The following KIAA1586 variants were observed in gnomAD, a reference collection of about 807,000 sequenced individuals.
The protein encoded by KIAA1586 is E3 SUMO-protein ligase KIAA1586.
A neutral mutation model predicts 6.1 loss-of-function variants in KIAA1586; 5 were observed. The ratio of observed to expected loss-of-function variants is 0.82; its 90% CI spans 0.43 to 1.73. The LOEUF (loss-of-function observed/expected upper bound fraction) is 1.73. Among genes scored for constraint, KIAA1586 ranks in the 40% most tolerant of loss-of-function variants. The probability of loss-of-function intolerance (pLI) is 0.02; values close to 1 mark genes in which losing one functional copy is unlikely to be tolerated. For synonymous variants in KIAA1586, 280 were observed against 301.7 expected, an observed-to-expected ratio of 0.93 and a Z score of 0.75; for missense variants, 899 against 878.2, an observed-to-expected ratio of 1.02 and a Z score of -0.30.
At chr6:57,063,611 A>C in the KIAA1586 span, among the ~76,000 whole-genome samples, 1 of 151,592 alleles carries the variant, frequency 6.6e-6, no homozygotes, top group South Asian at 2.1e-4. Context: ...ACGCCACCAC[A>C]GTTGTCTAAT....
At chr6:57,062,325 C>CA in the KIAA1586 span, among the ~76,000 whole-genome samples, 1 of 152,206 alleles carries the variant, frequency 6.6e-6, no homozygotes, top group East Asian at 1.9e-4. Flanking sequence ...GGGTAATTGA[C>CA]AGTATCCTCT....
At position 57,054,996 on chromosome 6, in the gene KIAA1586, G is replaced by A. The variant is rs1420709166; in HGVS notation, c.*133G>A. 3 of 1,048,940 alleles carry A rather than the reference G, an allele frequency of 2.9e-6. No homozygotes were observed. The highest frequency in any genetic ancestry group is 4.0e-6 in the Non-Finnish European group (3 of 755,002). The allele number at this position is 1,048,940 out of a possible 1,614,324, so 65.0% of individuals were successfully genotyped here. On this transcript the variant is annotated 3_prime_UTR_variant, in exon 4 of 4. Transcript: ENST00000370733. The stretch of plus-strand genomic sequence containing the variant: ...TTGCTGTTTAAAAGGCGTTCTTTAA[G>A]AAGATAATCTTGAAGATTGGTTTTA...
At chr6:57,049,431 C>A (rs1593047084) in intron 2 of KIAA1586, among the ~76,000 whole-genome samples, 1 of 152,052 alleles carries the variant, frequency 6.6e-6, no homozygotes. Flanking sequence ...GGTTTGGATT[C>A]CTTAGTCTTT....
rs1205489370 is a variant in KIAA1586, at chr6:57,054,767, A to G, written c.2268A>G (p.Ser756=). Reference sequence around the variant, plus strand: ...CAACACCGTTTGTAAAATCTTGGTCAAATTGCAACCACAGGTTGGCTACAG... The same window carrying G: ...CAACACCGTTTGTAAAATCTTGGTCGAATTGCAACCACAGGTTGGCTACAG... ...WDATPFVKSW[S]NCNHRLATDT... Residue 756 remains serine (S), a synonymous_variant, in exon 4 of 4, where the codon TCA becomes TCG. Transcript: ENST00000370733. 2.6e-6 allele frequency: 4 copies of G among 1,551,286 alleles called. No individual in the cohort carries two copies. The highest frequency in any genetic ancestry group is 2.7e-5 in the African/African-American group (2 of 73,026).
At position 57,053,962 on chromosome 6, in the gene KIAA1586, G is replaced by A. The variant is rs1439420534; in HGVS notation, c.1463G>A (p.Ser488Asn). ...ATGGGACCAAGATGGGCGGCATGTAGTTTACAAGCTGCTACTGCTGTATGG... is the reference window on the plus strand; with the variant it reads ...ATGGGACCAAGATGGGCGGCATGTAATTTACAAGCTGCTACTGCTGTATGG... ...RVMGPRWAAC[S>N]LQAATAVWHA... Residue 488 changes from serine (S) to asparagine (N), a missense_variant, in exon 4 of 4, where the codon AGT becomes AAT. Ser to Asn is a conservative substitution (Grantham distance 46). Transcript: ENST00000370733. The A allele has an allele frequency of 1.3e-6, 2 of 1,586,704 alleles. No individual in the cohort carries two copies. Among genetic ancestry groups the A allele is most frequent in the Non-Finnish European group, 1.7e-6 (2 of 1,170,472 alleles).
At chr6:57,055,229 T>G (rs1405952407), downstream of KIAA1586, 1 of 155,304 alleles carries the variant, frequency 6.4e-6, no homozygotes, top group African/African-American at 2.4e-5. Context: ...ACTGTAAGCC[T>G]TTTGGCTCTT....
At chr6:57,059,463 T>C (rs557333989), downstream of KIAA1586, among the ~76,000 whole-genome samples, 4 of 151,770 alleles carry the variant, frequency 2.6e-5, no homozygotes, top group South Asian at 8.3e-4. Context: ...TGGTGGTGGG[T>C]GCCTGTAGTC....
chr6:57,058,077 G>A (rs1394058796), downstream of KIAA1586, among the ~76,000 whole-genome samples: 2 of 151,942 alleles, frequency 1.3e-5, no homozygotes, highest in African/African-American at 4.8e-5. Flanking sequence ...TTACAGGTGT[G>A]AGCCACCGCG....
intron 2 of KIAA1586, among the ~76,000 whole-genome samples, chr6:57,049,928 G>C (rs1828276621): frequency 6.6e-6 from 1 of 152,022 alleles, no homozygotes; most frequent in Admixed American, 6.6e-5. Context: ...GGATAAAGCA[G>C]GGTTATCAAA....
chr6:57,053,178 A>G lies in KIAA1586; in HGVS notation c.679A>G (p.Thr227Ala). The change falls in exon 4 of 4, where the codon ACT becomes GCT. Residue 227 changes from threonine to alanine, a missense_variant. Thr to Ala is a moderately conservative substitution (Grantham distance 58, BLOSUM62 0). Coordinates refer to ENST00000370733, the MANE Select transcript of KIAA1586 (RefSeq NM_020931.4). The stretch of plus-strand genomic sequence containing the variant: ...AATTCAGGATTTGTTAAAGGAATCA[A>G]CTAATGATTCAATTTGTAATTTAGT... ...GKIQDLLKES[T>A]NDSICNLVHK... 5 of 1,607,564 alleles carry G rather than the reference A, an allele frequency of 3.1e-6. No homozygotes were observed. The highest frequency in any genetic ancestry group is 4.2e-6 in the Non-Finnish European group (5 of 1,177,746).
rs1288614961 is a variant in KIAA1586, at chr6:57,053,908, A to G, written c.1409A>G (p.Glu470Gly). The G allele has an allele frequency of 6.3e-7, 1 of 1,583,046 alleles. No individual in the cohort carries two copies. The highest frequency in any genetic ancestry group is 1.4e-5 in the African/African-American group (1 of 73,448). Residue 470 changes from glutamate to glycine, a missense_variant, in exon 4 of 4, where the codon GAA becomes GGA. By Grantham distance (98) the Glu-to-Gly change is moderately conservative. Transcript: ENST00000370733. ...KLLGTVAKEL[E>G]TEIIKIGRVM... Reference sequence around the variant, plus strand: ...CTAGGAACTGTAGCTAAAGAACTTGAAACTGAAATTATTAAAATTGGTCGA... The same window carrying G: ...CTAGGAACTGTAGCTAAAGAACTTGGAACTGAAATTATTAAAATTGGTCGA...
In KIAA1586 at chr6:57,054,474, T is replaced by C. The variant is rs1431179148; in HGVS notation, c.1975T>C (p.Cys659Arg). The C allele has an allele frequency of 2.5e-6, 4 of 1,599,476 alleles. No individual in the cohort carries two copies. The highest frequency in any genetic ancestry group is 3.4e-6 in the Non-Finnish European group (4 of 1,174,584). ...TGGTGAAAAAACATTATTTCATTTG[T>C]GTAAAATTTTAAAATATGAAGTTGA... is the stretch of plus-strand genomic sequence containing the variant. ...IAGEKTLFHL[C>R]KILKYEVDLN... is the part of the protein sequence containing the mutation. Residue 659 changes from cysteine (C) to arginine (R), a missense_variant, in exon 4 of 4, where the codon TGT becomes CGT. Cys to Arg is a radical substitution (Grantham distance 180, BLOSUM62 -3). Transcript: ENST00000370733.
chr6:57,053,988 C>T lies in KIAA1586; in HGVS notation c.1489C>T (p.His497Tyr). ...TTTACAAGCTGCTACTGCTGTATGGCATGCATATCCTATATTATATATGCA... is the reference window on the plus strand; with the variant it reads ...TTTACAAGCTGCTACTGCTGTATGGTATGCATATCCTATATTATATATGCA... ...CSLQAATAVW[H>Y]AYPILYMHFS... The change falls in exon 4 of 4, where the codon CAT becomes TAT. Residue 497 changes from histidine (H) to tyrosine (Y), a missense_variant. Coordinates refer to ENST00000370733, the MANE Select transcript of KIAA1586 (RefSeq NM_020931.4). 6.2e-7 allele frequency: 1 copy of T among 1,601,430 alleles called. No homozygotes were observed. The highest frequency in any genetic ancestry group is 2.2e-5 in the East Asian group (1 of 44,788).
At chr6:57,062,155 T>A in the KIAA1586 span, among the ~76,000 whole-genome samples, 99 of 152,218 alleles carry the variant, frequency 6.5e-4, no homozygotes, top group African/African-American at 2.1e-3. Context: ...GGTCTCAAAC[T>A]CCTGAGCTCA....
the KIAA1586 span, among the ~76,000 whole-genome samples, chr6:57,061,009 C>T: frequency 5.4e-5 from 8 of 148,686 alleles, no homozygotes; most frequent in East Asian, 2.0e-4. Context: ...ACAGAGTCTT[C>T]GCTCTGTCAC....
rs796922661 is a variant in KIAA1586 at position 57,048,087 on chromosome 6, A to C, written c.105+691A>C. ...GGATTTCTGAGCACACTTTGGACAG[A>C]ATGGGTTTCTAAAGCAGAAGGGAGT... is the stretch of plus-strand genomic sequence containing the variant. On this transcript the variant is annotated intron_variant, in intron 2 of 3. Coordinates refer to ENST00000370733, the MANE Select transcript of KIAA1586 (RefSeq NM_020931.4). Among the ~76,000 whole-genome samples, 22 of 150,256 alleles carry C rather than the reference A, an allele frequency of 1.5e-4. 1 individual carries two copies. Among genetic ancestry groups the C allele is most frequent in the East Asian group, 9.7e-4 (5 of 5,178 alleles).
chr6:57,059,713 G>A (rs1286757587), downstream of KIAA1586, among the ~76,000 whole-genome samples: 1 of 152,008 alleles, frequency 6.6e-6, no homozygotes, highest in Non-Finnish European at 1.5e-5. Flanking sequence ...GTTGACTTCA[G>A]GATCCATAGT....
At position 57,053,583 on chromosome 6, in the gene KIAA1586, A is replaced by G. The variant is rs757124690; in HGVS notation, c.1084A>G (p.Ile362Val). The change falls in exon 4 of 4, where the codon ATT becomes GTT. Residue 362 changes from isoleucine (I) to valine (V), a missense_variant. Coordinates refer to ENST00000370733, the MANE Select transcript of KIAA1586 (RefSeq NM_020931.4). ...KELVSTIAEC[I>V]VNTLLTTLND... Reference sequence around the variant, plus strand: ...ATTGGTGTCAACTATAGCAGAGTGTATTGTCAATACATTATTGACTACTTT... The same window carrying G: ...ATTGGTGTCAACTATAGCAGAGTGTGTTGTCAATACATTATTGACTACTTT... 3.7e-6 allele frequency: 6 copies of G among 1,610,038 alleles called. No individual in the cohort carries two copies. The highest frequency in any genetic ancestry group is 5.1e-6 in the Non-Finnish European group (6 of 1,176,820).
At chr6:57,050,681 A>G (rs1377394932) in intron 2 of KIAA1586, 93 bp from the exon 3 acceptor site, 5 of 866,678 alleles carry the variant, frequency 5.8e-6, no homozygotes, top group Admixed American at 2.2e-5. Context: ...ATCTTTCCCA[A>G]TTCCAACTAA....
Sources: gnomAD v4.1 joint callset for allele counts (sites outside exome capture counted in the v4.1 genomes callset) on GRCh38, gnomAD v4.1.1 for gene constraint, MANE v1.5 for transcripts, NCBI Gene and HGNC (gene_info 2026-07-23, HGNC 2026-07-21) for gene names.